Variants in CACNA1A observed in about 807,000 individuals in gnomAD.
The protein encoded by CACNA1A is calcium voltage-gated channel subunit alpha1 A.
A neutral mutation model predicts 262.4 loss-of-function variants in CACNA1A; 57 were observed. That is an observed-to-expected ratio of 0.22 (90% CI 0.18 to 0.27). The LOEUF (loss-of-function observed/expected upper bound fraction) is 0.27, where lower values mean the gene tolerates loss of function less well. Among genes scored for constraint, CACNA1A ranks in the 10% least tolerant of loss-of-function variants. CACNA1A has a pLI of 1.00. For missense variants in CACNA1A, 2,526 were observed against 3,562.8 expected, an observed-to-expected ratio of 0.71 and a Z score of 7.41; for synonymous variants, 1,431 against 1,419.3, an observed-to-expected ratio of 1.01 and a Z score of -0.18.
intron 3 of CACNA1A, among the ~76,000 whole-genome samples, chr19:13,445,024 C>G (rs2060784166): frequency 6.6e-6 from 1 of 151,764 alleles, no homozygotes; most frequent in Admixed American, 6.6e-5. Flanking sequence ...CCTGTAATCC[C>G]AGCTACTCAG....
intron 30 of CACNA1A, chr19:13,245,619 A>G (rs2056208213): frequency 4.2e-6 from 1 of 235,448 alleles, no homozygotes; most frequent in Admixed American, 5.2e-5. Flanking sequence ...TGAGCTCCTC[A>G]TGAAGATCCT....
chr19:13,398,267 G>GA (rs377538163), intron 3 of CACNA1A, among the ~76,000 whole-genome samples: 3,237 of 125,496 alleles, frequency 0.026, 36 homozygotes, highest in Non-Finnish European at 0.034. Context: ...CGTCGCAAAA[G>GA]AAAAAAAAAA....
intron 24 of CACNA1A, chr19:13,263,430 AAG>A: frequency 6.5e-6 from 1 of 153,826 alleles, no homozygotes; most frequent in South Asian, 2.0e-4. Context: ...CACCCTCTCA[AAG>A]TGCTGGGATT....
intron 7 of CACNA1A, among the ~76,000 whole-genome samples, chr19:13,335,206 C>A (rs2145137137): frequency 6.6e-6 from 1 of 152,290 alleles, no homozygotes; most frequent in African/African-American, 2.4e-5. Context: ...AGCAGGTTGG[C>A]TTCTCTGCCA....
In CACNA1A at chr19:13,207,274, G is replaced by T; in HGVS notation, c.*39C>A. ...CTCCTCGGGTGGGGTGTGTGCGTGGGGTGCGTGGGGGGCCGGGCGGGCGCC... is the reference window on the plus strand; with the variant it reads ...CTCCTCGGGTGGGGTGTGTGCGTGGTGTGCGTGGGGGGCCGGGCGGGCGCC... On this transcript the variant is annotated 3_prime_UTR_variant, in exon 47 of 47. Transcript: ENST00000360228. The surrounding 1 kb of genome is among the most constrained non-coding windows in gnomAD (Gnocchi z 5.7). The T allele has an allele frequency of 6.6e-7, 1 of 1,511,606 alleles. No individual in the cohort carries two copies. The highest frequency in any genetic ancestry group is 2.6e-5 in the East Asian group (1 of 38,968). 93.6% of individuals were successfully genotyped at this position (1,511,606 alleles called of 1,614,324 possible). A position where few individuals can be genotyped will look rare whatever the true frequency, so the allele number is the denominator to read the frequency against.
At chr19:13,505,899 G>A in intron 1 of CACNA1A, 33 bp downstream of exon 1, 3 of 1,598,788 alleles carry the variant, frequency 1.9e-6, no homozygotes, top group South Asian at 2.3e-5. Flanking sequence ...AGGGGGAGGC[G>A]CAGCTGCTGC....
intron 3 of CACNA1A, among the ~76,000 whole-genome samples, chr19:13,446,442 C>CTTT (rs547034790): frequency 0.011 from 1,337 of 122,476 alleles, 58 homozygotes; most frequent in African/African-American, 0.036. Flanking sequence ...TTTTTTCTTT[C>CTTT]TTTTTTTTTT....
intron 3 of CACNA1A, among the ~76,000 whole-genome samples, chr19:13,442,914 T>C (rs930989867): frequency 2.0e-5 from 3 of 152,202 alleles, no homozygotes; most frequent in African/African-American, 2.4e-5. Context: ...CTTAGAGAAA[T>C]AGCGTAGGAT....
At chr19:13,357,258 C>T (rs2059021948) in intron 6 of CACNA1A, among the ~76,000 whole-genome samples, 1 of 152,140 alleles carries the variant, frequency 6.6e-6, no homozygotes, top group Non-Finnish European at 1.5e-5. Flanking sequence ...TAGTGATGAC[C>T]TTGAGCAGCA....
At chr19:13,418,679 A>G (rs1056192135) in intron 3 of CACNA1A, among the ~76,000 whole-genome samples, 1 of 152,088 alleles carries the variant, frequency 6.6e-6, no homozygotes, top group African/African-American at 2.4e-5. Context: ...GATCCTTTGG[A>G]GGGACCCTGG....
At chr19:13,279,657 G>A (rs577894954) in intron 22 of CACNA1A, among the ~76,000 whole-genome samples, 23 of 151,996 alleles carry the variant, frequency 1.5e-4, no homozygotes, top group African/African-American at 5.6e-4. Context: ...GCTAATTTTT[G>A]TATTTTTAGT....
chr19:13,422,649 G>C (rs2060335886), intron 3 of CACNA1A, among the ~76,000 whole-genome samples: 1 of 152,188 alleles, frequency 6.6e-6, no homozygotes, highest in African/African-American at 2.4e-5. Context: ...TTTGTGTTCA[G>C]CTGGGGCCCT....
chr19:13,488,076 G>A (rs1488248729), intron 1 of CACNA1A, among the ~76,000 whole-genome samples: 1 of 152,134 alleles, frequency 6.6e-6, no homozygotes, highest in Non-Finnish European at 1.5e-5. Context: ...CACTGCATCT[G>A]ACCCTACTCA....
chr19:13,314,170 G>C (rs1280350484), intron 11 of CACNA1A, among the ~76,000 whole-genome samples: 1 of 152,166 alleles, frequency 6.6e-6, no homozygotes, highest in Non-Finnish European at 1.5e-5. Context: ...AGTTAGGAAG[G>C]GCGTGGGTAC....
At chr19:13,411,774 CA>C (rs1426920071) in intron 3 of CACNA1A, among the ~76,000 whole-genome samples, 1 of 151,968 alleles carries the variant, frequency 6.6e-6, no homozygotes, top group Admixed American at 6.6e-5. Flanking sequence ...CACAATGGTG[CA>C]ACTACAGCTC....
intron 23 of CACNA1A, among the ~76,000 whole-genome samples, chr19:13,276,769 C>G (rs1355985723): frequency 6.8e-6 from 1 of 148,070 alleles, no homozygotes; most frequent in African/African-American, 2.5e-5. Context: ...AAGATCTCGG[C>G]TCACTGCAGC....
intron 3 of CACNA1A, among the ~76,000 whole-genome samples, chr19:13,376,884 A>T (rs1404317366): frequency 1.5e-5 from 2 of 136,612 alleles, no homozygotes; most frequent in Admixed American, 7.5e-5. Context: ...ATAACACATG[A>T]TATATGTTAT....
At chr19:13,271,212 C>CTGTTTTTTTTGTTTTTTT (rs1568481318) in intron 24 of CACNA1A, 188 of 96,908 alleles carry the variant, frequency 1.9e-3, no homozygotes, top group African/African-American at 7.4e-3. Context: ...AATCATTCTG[C>CTGTTTTTTTTGTTTTTTT]TGTTTTTTTT....
At chr19:13,210,558 G>T (rs2054772523) in intron 44 of CACNA1A, 59 bp downstream of exon 44, 5 of 1,458,674 alleles carry the variant, frequency 3.4e-6, no homozygotes, top group Admixed American at 4.1e-5. Context: ...CCTGGAGGGG[G>T]GGTGGGGAGG....
Sources: gnomAD v4.1 joint callset for allele counts (sites outside exome capture counted in the v4.1 genomes callset) on GRCh38, gnomAD v4.1.1 for gene constraint, Gnocchi (gnomAD v3.1) non-coding constraint, MANE v1.5 for transcripts, NCBI Gene and HGNC (gene_info 2026-07-23, HGNC 2026-07-21) for gene names.